RFX3: variants seen among roughly 807,000 people sequenced by gnomAD.
The protein encoded by RFX3 is regulatory factor X3, also known as transcription factor RFX3.
A neutral mutation model predicts 98.6 loss-of-function variants in RFX3; 14 were observed. The observed-to-expected ratio is 0.14, with a 90% confidence interval of 0.09 to 0.22. RFX3 has a LOEUF of 0.22. RFX3 is among the 10% of genes least tolerant of loss of function. The pLI is 1.00. For missense variants in RFX3, 639 were observed against 926.9 expected (o/e 0.69, Z 4.03); for synonymous variants, 383 against 328.4 (o/e 1.17, Z -1.80).
intron 1 of RFX3, among the ~76,000 whole-genome samples, chr9:3,446,823 T>C (rs371669235): frequency 3.0e-4 from 46 of 152,176 alleles, no homozygotes; most frequent in African/African-American, 1.1e-3. Flanking sequence ...ATGGAAATAA[T>C]TTGGGTTCTT....
intron 1 of RFX3, among the ~76,000 whole-genome samples, chr9:3,428,986 T>C (rs962037667): frequency 6.6e-6 from 1 of 151,946 alleles, no homozygotes; most frequent in Non-Finnish European, 1.5e-5. Flanking sequence ...AAAAACGTTT[T>C]AATTTCTTTA....
chr9:3,400,605 T>C (rs1185625279), intron 1 of RFX3, among the ~76,000 whole-genome samples: 1 of 152,218 alleles, frequency 6.6e-6, no homozygotes, highest in Non-Finnish European at 1.5e-5. Flanking sequence ...CACAATTTCA[T>C]TTTCCTCTGA....
chr9:3,323,993 GA>G, intron 4 of RFX3: 2 of 427,072 alleles, frequency 4.7e-6, no homozygotes, highest in South Asian at 3.5e-5. Flanking sequence ...TAAATGCTTT[GA>G]AAATGAGGCC....
chr9:3,484,589 G>A (rs1850088395), intron 1 of RFX3, among the ~76,000 whole-genome samples: 1 of 152,230 alleles, frequency 6.6e-6, no homozygotes, highest in African/African-American at 2.4e-5. Flanking sequence ...TTCTCCAGAA[G>A]TTAGTATCTG....
At chr9:3,514,002 C>G (rs971620264) in intron 1 of RFX3, among the ~76,000 whole-genome samples, 6 of 152,112 alleles carry the variant, frequency 3.9e-5, no homozygotes, top group Non-Finnish European at 8.8e-5. Context: ...ATATTTTAAC[C>G]TCCTATAATT....
At chr9:3,311,453 T>C (rs892996538) in intron 4 of RFX3, among the ~76,000 whole-genome samples, 1 of 152,218 alleles carries the variant, frequency 6.6e-6, no homozygotes, top group African/African-American at 2.4e-5. Context: ...GTACATCCTA[T>C]AGGAAGCCAT....
intron 2 of RFX3, among the ~76,000 whole-genome samples, chr9:3,373,404 A>G (rs985416703): frequency 2.6e-5 from 4 of 152,156 alleles, no homozygotes; most frequent in African/African-American, 9.7e-5. Context: ...TCACACTCCC[A>G]CCCAGAAAAA....
At position 3,354,620 on chromosome 9, in the gene RFX3, T is replaced by G. The variant is rs1247471617; in HGVS notation, c.118-7856A>C. 2.6e-5 allele frequency among the ~76,000 whole-genome samples: 4 copies of G among 151,768 alleles called. No homozygotes were observed. In the South Asian group the frequency reaches 8.3e-4, roughly 32 times the overall value. On this transcript the variant is annotated intron_variant, in intron 2 of 16. Coordinates refer to ENST00000617270, the MANE Select transcript of RFX3 (RefSeq NM_001282116.2). ...AACTAAATTTCCATAACCAGTGAAA[T>G]AGCCTTCAAAAATGAAGAGAGGATC...
intron 2 of RFX3, among the ~76,000 whole-genome samples, chr9:3,363,658 T>C (rs1836723075): frequency 6.6e-6 from 1 of 152,178 alleles, no homozygotes. Flanking sequence ...GAAGTAAAAA[T>C]GGTAGGCATT....
At chr9:3,501,250 TC>T (rs1281781558) in intron 1 of RFX3, among the ~76,000 whole-genome samples, 2 of 152,184 alleles carry the variant, frequency 1.3e-5, no homozygotes, top group Non-Finnish European at 2.9e-5. Context: ...TCAAAGATCC[TC>T]AGTAAATGTT....
rs1823126776 is a variant in RFX3, at chr9:3,263,068, G to A, written c.1472C>T (p.Ala491Val). ...MIQTKVAAVS[A>V]FAQTLRRYTS... The stretch of plus-strand genomic sequence containing the variant: ...GTATCTTCGCAGAGTCTGGGCAAAG[G>A]CACTTACAGCGGCAACCTGTAACGC... Residue 491 changes from alanine (A) to valine (V), a missense_variant, in exon 13 of 17, where the codon GCC becomes GTC. Physicochemically the swap from Ala to Val is moderately conservative, Grantham distance 64 (BLOSUM62 0). Transcript: ENST00000617270. 6.2e-7 allele frequency: 1 copy of A among 1,613,606 alleles called. No individual in the cohort carries two copies. Among genetic ancestry groups the A allele is most frequent in the Non-Finnish European group, 8.5e-7 (1 of 1,179,664 alleles).
At chr9:3,278,693 T>C (rs1382346957) in intron 7 of RFX3, among the ~76,000 whole-genome samples, 1 of 151,862 alleles carries the variant, frequency 6.6e-6, no homozygotes, top group Non-Finnish European at 1.5e-5. Context: ...TGAATCAATC[T>C]TGGATGTTAT....
chr9:3,237,692 G>A (rs991050125), intron 15 of RFX3, among the ~76,000 whole-genome samples: 1 of 152,148 alleles, frequency 6.6e-6, no homozygotes, highest in African/African-American at 2.4e-5. Flanking sequence ...ATGAAAAAAT[G>A]TCCTTATGCT....
intron 1 of RFX3, among the ~76,000 whole-genome samples, chr9:3,486,744 T>C (rs899316074): frequency 6.6e-6 from 1 of 152,242 alleles, no homozygotes. Context: ...AATGCTATGA[T>C]TTGAGTCTAA....
chr9:3,324,621 A>G (rs1346506426), intron 4 of RFX3, among the ~76,000 whole-genome samples: 1 of 151,732 alleles, frequency 6.6e-6, no homozygotes, highest in Admixed American at 6.6e-5. Context: ...GTGAAAAAAT[A>G]TATATTCTGC....
At chr9:3,348,606 G>C (rs1396961222) in intron 2 of RFX3, among the ~76,000 whole-genome samples, 1 of 151,642 alleles carries the variant, frequency 6.6e-6, no homozygotes, top group East Asian at 1.9e-4. Flanking sequence ...AGTTTTTATG[G>C]GAAAAATAGG....
chr9:3,492,226 CA>C, intron 1 of RFX3, among the ~76,000 whole-genome samples: 1 of 152,326 alleles, frequency 6.6e-6, no homozygotes, highest in Middle Eastern at 3.4e-3. Flanking sequence ...TCAGTGGCTC[CA>C]TAATTCTCCT....
intron 7 of RFX3, among the ~76,000 whole-genome samples, chr9:3,281,323 A>G (rs1257292492): frequency 6.6e-6 from 1 of 151,586 alleles, no homozygotes; most frequent in Non-Finnish European, 1.5e-5. Flanking sequence ...TATCAGGAGA[A>G]TAATAAATTT....
At chr9:3,263,689 T>C (rs1823218027) in intron 12 of RFX3, among the ~76,000 whole-genome samples, 1 of 152,232 alleles carries the variant, frequency 6.6e-6, no homozygotes. Flanking sequence ...AAAAGGGCTA[T>C]GCGGGAAATT....
Sources: allele counts gnomAD v4.1 joint callset (sites outside exome capture counted in the v4.1 genomes callset), GRCh38; gene constraint gnomAD v4.1.1; transcripts MANE v1.5; gene names NCBI Gene and HGNC (gene_info 2026-07-23, HGNC 2026-07-21).